TMEM74: variants seen among roughly 807,000 people sequenced by gnomAD.
TMEM74 encodes the protein transmembrane protein 74.
In TMEM74, 13 loss-of-function variants were observed where a neutral mutation model predicts 18.1. That is an observed-to-expected ratio of 0.72 (90% CI 0.47 to 1.14). The LOEUF is 1.14. Among genes scored for constraint, TMEM74 ranks in the 50% most tolerant of loss-of-function variants. The pLI is 0.00. For missense variants in TMEM74, 372 were observed against 375.9 expected (o/e 0.99, Z 0.09); for synonymous variants, 159 against 146.6 (o/e 1.08, Z -0.61).
At chr8:108,691,376 G>C (rs780450799) in intron 1 of TMEM74, among the ~76,000 whole-genome samples, 1 of 152,228 alleles carries the variant, frequency 6.6e-6, no homozygotes, top group Admixed American at 6.5e-5. Context: ...TGTGCCTGAA[G>C]TGCCCAGAAC....
chr8:108,638,641 C>A (rs907787826), intron 2 of TMEM74, among the ~76,000 whole-genome samples: 1 of 151,540 alleles, frequency 6.6e-6, no homozygotes, highest in Non-Finnish European at 1.5e-5. Flanking sequence ...ACATATTCAG[C>A]TACACTAGGT....
At chr8:108,739,389 T>C (rs1203708679) in intron 1 of TMEM74, among the ~76,000 whole-genome samples, 1 of 152,204 alleles carries the variant, frequency 6.6e-6, no homozygotes, top group Non-Finnish European at 1.5e-5. Flanking sequence ...TCGTGTGCTG[T>C]ATTTTAGGAG....
intron 1 of TMEM74, among the ~76,000 whole-genome samples, chr8:108,664,641 T>C (rs1209777082): frequency 6.6e-6 from 1 of 152,264 alleles, no homozygotes; most frequent in African/African-American, 2.4e-5. Context: ...CTCTTTTGCC[T>C]GATTTCTCTG....
chr8:108,672,112 C>T (rs1240260103), intron 1 of TMEM74, among the ~76,000 whole-genome samples: 1 of 152,164 alleles, frequency 6.6e-6, no homozygotes, highest in Admixed American at 6.6e-5. Flanking sequence ...AGCGGGCAGG[C>T]ACACGGCTAC....
At chr8:108,616,129 C>T (rs759386052) in intron 2 of TMEM74, among the ~76,000 whole-genome samples, 15 of 152,020 alleles carry the variant, frequency 9.9e-5, no homozygotes, top group Non-Finnish European at 1.9e-4. Flanking sequence ...TTAGGCAAAG[C>T]GTGTTTCTTC....
chr8:108,768,684 G>GC (rs1380930433), intron 1 of TMEM74, among the ~76,000 whole-genome samples: 1 of 152,116 alleles, frequency 6.6e-6, no homozygotes, highest in Non-Finnish European at 1.5e-5. Context: ...CTGAAAGTGA[G>GC]CCAGTGCATA....
intron 2 of TMEM74, among the ~76,000 whole-genome samples, chr8:108,628,725 T>A (rs1051230338): frequency 3.3e-5 from 5 of 152,098 alleles, no homozygotes; most frequent in African/African-American, 1.2e-4. Flanking sequence ...GCCATAATGG[T>A]TGAACTAATT....
chr8:108,642,942 C>T (rs904366997), intron 2 of TMEM74, among the ~76,000 whole-genome samples: 2 of 152,124 alleles, frequency 1.3e-5, no homozygotes, highest in Non-Finnish European at 2.9e-5. Context: ...AATAAAACAT[C>T]TCTTAACTCA....
At chr8:108,666,919 A>C (rs1812954588) in intron 1 of TMEM74, among the ~76,000 whole-genome samples, 1 of 152,106 alleles carries the variant, frequency 6.6e-6, no homozygotes, top group Non-Finnish European at 1.5e-5. Context: ...AACTCTGATG[A>C]TTTTTGTTCA....
chr8:108,751,606 A>G (rs1418633371), intron 1 of TMEM74, among the ~76,000 whole-genome samples: 1 of 152,136 alleles, frequency 6.6e-6, no homozygotes, highest in Non-Finnish European at 1.5e-5. Flanking sequence ...AGAAAATTTA[A>G]TGGGAGGAAA....
chr8:108,753,924 G>C (rs1268322124), intron 1 of TMEM74, among the ~76,000 whole-genome samples: 1 of 151,916 alleles, frequency 6.6e-6, no homozygotes, highest in African/African-American at 2.4e-5. Flanking sequence ...TTACTTTATA[G>C]TGGATCTCAA....
At chr8:108,630,474 T>A (rs1586240233) in intron 2 of TMEM74, among the ~76,000 whole-genome samples, 1 of 151,992 alleles carries the variant, frequency 6.6e-6, no homozygotes, top group African/African-American at 2.4e-5. Flanking sequence ...ATGGACCAAG[T>A]GGACCTAATA....
intron 1 of TMEM74, among the ~76,000 whole-genome samples, chr8:108,698,590 C>T (rs1170548086): frequency 2.6e-5 from 4 of 152,070 alleles, no homozygotes; most frequent in Admixed American, 2.6e-4. Context: ...ACTGTTATTT[C>T]CTATCCAAAA....
chr8:108,753,410 G>A (rs2130654347), intron 1 of TMEM74, among the ~76,000 whole-genome samples: 1 of 152,084 alleles, frequency 6.6e-6, no homozygotes, highest in South Asian at 2.1e-4. Context: ...GTGGTGTTGA[G>A]CATTTGCCAT....
chr8:108,715,657 A>G (rs1425708699), intron 1 of TMEM74, among the ~76,000 whole-genome samples: 3 of 152,230 alleles, frequency 2.0e-5, no homozygotes, highest in Non-Finnish European at 4.4e-5. Flanking sequence ...AAGCGAATGC[A>G]CACTTTCTAT....
downstream of TMEM74, among the ~76,000 whole-genome samples, chr8:108,777,955 T>C (rs1814251184): frequency 6.6e-6 from 1 of 152,182 alleles, no homozygotes; most frequent in Admixed American, 6.5e-5. Flanking sequence ...TAAAATCATA[T>C]AGGTAATATA....
intron 1 of TMEM74, among the ~76,000 whole-genome samples, chr8:108,679,593 T>C (rs1813091891): frequency 6.6e-6 from 1 of 152,126 alleles, no homozygotes; most frequent in Admixed American, 6.5e-5. Context: ...TTTGATGGGG[T>C]TGTTTGTTTT....
chr8:108,753,152 T>C (rs1415401840), intron 1 of TMEM74, among the ~76,000 whole-genome samples: 2 of 152,136 alleles, frequency 1.3e-5, no homozygotes, highest in African/African-American at 4.8e-5. Context: ...CTTTCGAGAA[T>C]GAATTAACAG....
Position 108,681,853 on chromosome 8 carries a change from A to G in TMEM74, n.120-26416T>C, listed in dbSNP as rs73702125. Among the ~76,000 whole-genome samples the G allele has an allele frequency of 5.5e-3, 840 of 152,314 alleles. 8 individuals are homozygous for G. Among genetic ancestry groups the G allele is most frequent in the African/African-American group, 0.019 (792 of 41,582 alleles). ...TGTATTTTATTAAAATAAAAAAGTCATCACCTAGTCATGTTGATTTGATCT... is the reference window on the plus strand; with the variant it reads ...TGTATTTTATTAAAATAAAAAAGTCGTCACCTAGTCATGTTGATTTGATCT... On this transcript the variant is annotated intron_variant and non_coding_transcript_variant, in intron 1 of 3. Transcript: ENST00000518838.
Sources: gnomAD v4.1 joint callset for allele counts (sites outside exome capture counted in the v4.1 genomes callset) on GRCh38, gnomAD v4.1.1 for gene constraint, MANE v1.5 for transcripts, NCBI Gene and HGNC (gene_info 2026-07-23, HGNC 2026-07-21) for gene names.